The following WDR44 variants were observed in gnomAD, a reference collection of about 807,000 sequenced individuals.
WDR44 encodes WD repeat-containing protein 44.
Under a neutral mutation model 65.7 loss-of-function variants are expected in WDR44, and 9 were observed. The ratio of observed to expected loss-of-function variants is 0.14; its 90% confidence interval spans 0.08 to 0.24. The LOEUF (loss-of-function observed/expected upper bound fraction) is 0.24, where lower values mean the gene tolerates loss of function less well. Among genes scored for constraint, WDR44 ranks in the 10% least tolerant of loss-of-function variants. The pLI is 1.00. For synonymous variants in WDR44, 220 were observed against 235.2 expected (o/e 0.94, Z 0.59); for missense variants, 425 against 670.9 (o/e 0.63, Z 4.05).
At chrX:118,430,141 A>G (rs1358200315) in intron 12 of WDR44, among the ~76,000 whole-genome samples, 1 of 111,145 alleles carries the variant, frequency 9.0e-6, no homozygotes, top group Non-Finnish European at 1.9e-5. Context: ...TTAAAAATGA[A>G]AGATTGAAGA....
chrX:118,444,376 T>C lies in WDR44; in HGVS notation c.2529T>C (p.Val843=). The C allele has an allele frequency of 8.3e-7, 1 of 1,210,434 alleles. No homozygotes were observed. Among genetic ancestry groups the C allele is most frequent in the Non-Finnish European group, 1.1e-6 (1 of 894,816 alleles). The change falls in exon 19 of 20, where the codon GTT becomes GTC. Residue 843 remains valine (V), a synonymous_variant. Transcript: ENST00000254029. ...WEGIKAHNAV[V]TSAIFAPNPS... ...TTTCCACAGCCCACAATGCAGTTGT[T>C]ACATCAGCCATCTTTGCACCAAACC...
At chrX:118,427,357 G>A (rs1312063066) in intron 12 of WDR44, among the ~76,000 whole-genome samples, 4 of 105,371 alleles carry the variant, frequency 3.8e-5, no homozygotes, top group African/African-American at 1.4e-4. Context: ...TGCAAGCTCC[G>A]CCTCCCGGGT....
At chrX:118,408,584 A>G (rs1401559708) in intron 10 of WDR44, among the ~76,000 whole-genome samples, 1 of 110,844 alleles carries the variant, frequency 9.0e-6, no homozygotes, top group Non-Finnish European at 1.9e-5. Flanking sequence ...TTTTTTGTAG[A>G]GATGGGGTTT....
intron 2 of WDR44, among the ~76,000 whole-genome samples, chrX:118,387,139 G>A (rs1156737205): frequency 9.4e-5 from 9 of 95,837 alleles, no homozygotes; most frequent in African/African-American, 3.6e-4. Context: ...CCAGGATTGT[G>A]CCACTGCACT....
intron 19 of WDR44, among the ~76,000 whole-genome samples, chrX:118,446,748 A>ATG (rs939244694): frequency 8.0e-5 from 9 of 112,028 alleles, no homozygotes; most frequent in African/African-American, 2.9e-4. Context: ...GAATGATTAA[A>ATG]CCTTTACTAA....
chrX:118,381,891 G>A (rs2056721382), intron 2 of WDR44, among the ~76,000 whole-genome samples: 2 of 109,999 alleles, frequency 1.8e-5, no homozygotes, highest in South Asian at 7.8e-4. Flanking sequence ...TTTTTTGAAG[G>A]TCTCACTCTG....
intron 14 of WDR44, among the ~76,000 whole-genome samples, chrX:118,440,116 T>C (rs1200725653): frequency 1.6e-5 from 1 of 61,278 alleles, no homozygotes; most frequent in Non-Finnish European, 2.4e-5. Context: ...TGAGACCCCA[T>C]CACCAAAAAA....
At chrX:118,431,170 C>T (rs1221813583) in intron 12 of WDR44, among the ~76,000 whole-genome samples, 1 of 112,085 alleles carries the variant, frequency 8.9e-6, no homozygotes, top group Non-Finnish European at 1.9e-5. Flanking sequence ...TTTTACATTA[C>T]TGCCCAGAGT....
At chrX:118,357,609 T>TGGTG (rs2056472521) in intron 1 of WDR44, among the ~76,000 whole-genome samples, 1 of 111,478 alleles carries the variant, frequency 9.0e-6, no homozygotes, top group Admixed American at 9.5e-5. Flanking sequence ...CCACCAGGTG[T>TGGTG]GGTGGCTCAT....
intron 6 of WDR44, among the ~76,000 whole-genome samples, chrX:118,396,093 A>T (rs73599060): frequency 0.049 from 5,482 of 111,501 alleles, 318 homozygotes; most frequent in African/African-American, 0.17. Flanking sequence ...ACCAAAATAA[A>T]TTTTTTTATT....
chrX:118,414,673 C>G (rs907362906), intron 12 of WDR44, among the ~76,000 whole-genome samples: 1 of 111,611 alleles, frequency 9.0e-6, no homozygotes, highest in Non-Finnish European at 1.9e-5. Flanking sequence ...CGATTTGATT[C>G]TTCGCTTGGT....
chrX:118,400,833 C>A (rs1382343438), intron 8 of WDR44, among the ~76,000 whole-genome samples: 125 of 100,742 alleles, frequency 1.2e-3, no homozygotes, highest in Non-Finnish European at 2.2e-3. Flanking sequence ...CCCCACCCCA[C>A]CACAGTCCCC....
chrX:118,446,572 A>G (rs1235522608), intron 19 of WDR44, among the ~76,000 whole-genome samples: 1 of 112,002 alleles, frequency 8.9e-6, no homozygotes, highest in East Asian at 2.8e-4. Context: ...AATGGTAAAA[A>G]GTTATCAAGT....
At chrX:118,348,482 A>G (rs976071632) in intron 1 of WDR44, among the ~76,000 whole-genome samples, 10 of 111,898 alleles carry the variant, frequency 8.9e-5, no homozygotes, top group Non-Finnish European at 1.9e-4. Flanking sequence ...AACCTGCCCA[A>G]TTACTAAGTG....
intron 14 of WDR44, 48 bp downstream of exon 14, chrX:118,436,872 G>C (rs748339454): frequency 1.5e-5 from 16 of 1,091,083 alleles, no homozygotes; most frequent in Non-Finnish European, 1.8e-5. Context: ...AGGAAGGTGA[G>C]AGAACCTGAT....
chrX:118,346,551 T>C lies in WDR44; in HGVS notation c.48T>C (p.Asp16=), dbSNP rs1009029342. 1.7e-6 allele frequency: 2 copies of C among 1,197,285 alleles called. No individual in the cohort carries two copies. Among genetic ancestry groups the C allele is most frequent in the Middle Eastern group, 2.3e-4 (1 of 4,321 alleles). ...AGGAATTCTATGATGCCCCTGAAGA[T>C]GTGCACCTAGGGGGCGGCTACCCCG... The part of the protein sequence containing the change: ...DTEEFYDAPE[D]VHLGGGYPVG... The change falls in exon 1 of 20, where the codon GAT becomes GAC. Residue 16 remains aspartate, a synonymous_variant. Transcript: ENST00000254029.
chrX:118,429,364 G>A (rs1240225531), intron 12 of WDR44, among the ~76,000 whole-genome samples: 1 of 110,677 alleles, frequency 9.0e-6, no homozygotes, highest in African/African-American at 3.3e-5. Context: ...TGAGGCAGGT[G>A]GATCACTTGA....
At chrX:118,381,130 T>C (rs969677489) in intron 2 of WDR44, among the ~76,000 whole-genome samples, 3 of 111,702 alleles carry the variant, frequency 2.7e-5, no homozygotes, top group Non-Finnish European at 5.6e-5. Context: ...CATTATACCC[T>C]GTAAATATGT....
intron 13 of WDR44, among the ~76,000 whole-genome samples, chrX:118,435,283 TTTTC>T (rs1231226823): frequency 9.0e-6 from 1 of 111,694 alleles, no homozygotes; most frequent in African/African-American, 3.3e-5. Flanking sequence ...TTTTCTTCTG[TTTTC>T]TTTTTTTTGA....
Sources: allele counts gnomAD v4.1 joint callset (sites outside exome capture counted in the v4.1 genomes callset), GRCh38; gene constraint gnomAD v4.1.1; transcripts MANE v1.5; gene names NCBI Gene and HGNC (gene_info 2026-07-23, HGNC 2026-07-21).